GUCY1A2: variants seen among roughly 807,000 people sequenced by gnomAD.
The protein encoded by GUCY1A2 is guanylate cyclase soluble subunit alpha-2.
GUCY1A2 carries 27 observed loss-of-function variants against 63.5 expected under a neutral mutation model. The ratio of observed to expected loss-of-function variants is 0.43; its 90% CI spans 0.31 to 0.59. The LOEUF (loss-of-function observed/expected upper bound fraction) is 0.59. Among genes scored for constraint, GUCY1A2 ranks in the 20% least tolerant of loss-of-function variants. The pLI is 0.11. For missense variants in GUCY1A2, 768 were observed against 913.3 expected, an observed-to-expected ratio of 0.84 and a Z score of 2.05; for synonymous variants, 364 against 343.5, an observed-to-expected ratio of 1.06 and a Z score of -0.66.
intron 6 of GUCY1A2, among the ~76,000 whole-genome samples, chr11:106,775,132 G>T (rs72994937): frequency 0.1 from 15,850 of 151,856 alleles, 910 homozygotes; most frequent in Admixed American, 0.13. Context: ...TTCCAGGTGG[G>T]TTAAATGTAA....
intron 5 of GUCY1A2, among the ~76,000 whole-genome samples, chr11:106,787,414 TG>T (rs1244388778): frequency 5.3e-5 from 1 of 19,042 alleles, no homozygotes; most frequent in African/African-American, 2.7e-4. Context: ...TGCCTTACTT[TG>T]TTTTTTTTTT....
chr11:106,746,666 C>T, intron 6 of GUCY1A2: 1 of 1,356,436 alleles, frequency 7.4e-7, no homozygotes, highest in South Asian at 1.2e-5. Context: ...CACCGAGACA[C>T]CAAGTGAATC....
intron 6 of GUCY1A2, among the ~76,000 whole-genome samples, chr11:106,748,445 T>C (rs934300652): frequency 6.6e-6 from 1 of 152,198 alleles, no homozygotes; most frequent in Non-Finnish European, 1.5e-5. Context: ...TGAATTGGGA[T>C]AGCAGGAATC....
intron 4 of GUCY1A2, among the ~76,000 whole-genome samples, chr11:106,844,508 G>A (rs1179599581): frequency 6.6e-6 from 1 of 151,638 alleles, no homozygotes; most frequent in Non-Finnish European, 1.5e-5. Flanking sequence ...CCCTGACAAA[G>A]TTGGGTTTAT....
chr11:106,975,198 C>T (rs546507504), intron 3 of GUCY1A2, among the ~76,000 whole-genome samples: 1 of 152,274 alleles, frequency 6.6e-6, no homozygotes. Context: ...CTCACTTTGT[C>T]TCCCTGCCTA....
intron 4 of GUCY1A2, among the ~76,000 whole-genome samples, chr11:106,851,852 C>G (rs1474962928): frequency 6.6e-6 from 1 of 151,826 alleles, no homozygotes; most frequent in African/African-American, 2.4e-5. Context: ...GGATCTCATA[C>G]AAATTTTAGG....
At chr11:106,928,260 C>T (rs1256370813) in intron 4 of GUCY1A2, among the ~76,000 whole-genome samples, 1 of 152,130 alleles carries the variant, frequency 6.6e-6, no homozygotes, top group African/African-American at 2.4e-5. Flanking sequence ...CACTGCTTCA[C>T]TCAAAATTTT....
At chr11:106,909,890 A>T (rs2119860604) in intron 4 of GUCY1A2, among the ~76,000 whole-genome samples, 1 of 152,118 alleles carries the variant, frequency 6.6e-6, no homozygotes, top group African/African-American at 2.4e-5. Context: ...TTTCTGGGTC[A>T]TCTGGTAATT....
chr11:106,705,985 G>A (rs1452791715), intron 7 of GUCY1A2, among the ~76,000 whole-genome samples: 1 of 152,028 alleles, frequency 6.6e-6, no homozygotes, highest in Non-Finnish European at 1.5e-5. Flanking sequence ...AATATCTGAA[G>A]CAAAATATAA....
At chr11:106,737,217 G>T (rs1863605885) in intron 6 of GUCY1A2, among the ~76,000 whole-genome samples, 1 of 152,076 alleles carries the variant, frequency 6.6e-6, no homozygotes, top group South Asian at 2.1e-4. Flanking sequence ...CACTCAAAGT[G>T]GTTTAATGAA....
Position 106,827,890 on chromosome 11 carries a change from T to C in GUCY1A2, c.1207-17412A>G, listed in dbSNP as rs1858994758. The C allele has an allele frequency of 3.9e-6, 6 of 1,549,878 alleles. No homozygotes were observed. In the South Asian group the frequency reaches 5.6e-5, roughly 14 times the overall value. On this transcript the variant is annotated intron_variant, in intron 4 of 7. Coordinates refer to ENST00000526355, the MANE Select transcript of GUCY1A2 (RefSeq NM_000855.3). ...GTCATGGGAGGGCGCGCTGCCTTCA[T>C]GCTGCCGGACTCCCAGTGGTTTACT...
At chr11:106,721,489 A>G (rs1385693789) in intron 6 of GUCY1A2, among the ~76,000 whole-genome samples, 1 of 152,252 alleles carries the variant, frequency 6.6e-6, no homozygotes. Context: ...AAATGAGTCA[A>G]CCAACCGATA....
intron 4 of GUCY1A2, among the ~76,000 whole-genome samples, chr11:106,845,307 C>A (rs1269842384): frequency 6.6e-6 from 1 of 150,986 alleles, no homozygotes; most frequent in Non-Finnish European, 1.5e-5. Flanking sequence ...CTCCATTTTC[C>A]AATAATAGAG....
rs571424958 is a variant in GUCY1A2 at position 107,016,734 on chromosome 11, A to C, written c.303+1019T>G. On this transcript the variant is annotated intron_variant, in intron 1 of 7. Transcript: ENST00000526355. The stretch of plus-strand genomic sequence containing the variant: ...AAGTACAGAGCGGTTTAAATAGCTA[A>C]TGTGAGAGAGAAAGCACTAGAGAAT... 1.1e-4 allele frequency among the ~76,000 whole-genome samples: 17 copies of C among 152,350 alleles called. No individual in the cohort carries two copies. In the East Asian group the frequency reaches 2.1e-3, roughly 19 times the overall value.
At chr11:106,934,596 T>C (rs927678698) in intron 4 of GUCY1A2, among the ~76,000 whole-genome samples, 33 of 152,204 alleles carry the variant, frequency 2.2e-4, no homozygotes, top group African/African-American at 7.7e-4. Flanking sequence ...AGACATTTCC[T>C]ACTTTATTCT....
At chr11:106,893,386 A>T (rs1469590212) in intron 4 of GUCY1A2, among the ~76,000 whole-genome samples, 2 of 151,666 alleles carry the variant, frequency 1.3e-5, no homozygotes, top group Admixed American at 6.6e-5. Flanking sequence ...TTTAGTCTTT[A>T]AAAAAAAACT....
At chr11:106,698,875 ATCAG>A (rs764844832) in intron 7 of GUCY1A2, among the ~76,000 whole-genome samples, 1 of 152,036 alleles carries the variant, frequency 6.6e-6, no homozygotes, top group Non-Finnish European at 1.5e-5. Flanking sequence ...CATTTATTTA[ATCAG>A]TCAGTAGTGA....
At chr11:106,775,876 G>A (rs1183505560) in intron 6 of GUCY1A2, among the ~76,000 whole-genome samples, 1 of 152,068 alleles carries the variant, frequency 6.6e-6, no homozygotes, top group Admixed American at 6.5e-5. Flanking sequence ...CATTCCCAGA[G>A]GTAGACCTCA....
At chr11:106,757,144 A>G (rs1260722444) in intron 6 of GUCY1A2, among the ~76,000 whole-genome samples, 3 of 151,748 alleles carry the variant, frequency 2.0e-5, no homozygotes, top group African/African-American at 7.2e-5. Context: ...AGATTTGGCT[A>G]TTGAAGCTTG....
Sources: gnomAD v4.1 joint callset for allele counts (sites outside exome capture counted in the v4.1 genomes callset) on GRCh38, gnomAD v4.1.1 for gene constraint, MANE v1.5 for transcripts, NCBI Gene and HGNC (gene_info 2026-07-23, HGNC 2026-07-21) for gene names.